Variants in CEP128 observed in about 807,000 individuals in gnomAD.
The protein encoded by CEP128 is centrosomal protein 128kDa.
CEP128 carries 132 observed loss-of-function variants against 156.7 expected under a neutral mutation model. That is an observed-to-expected ratio of 0.84 (90% CI 0.73 to 0.97). The LOEUF is 0.97. Among genes scored for constraint, CEP128 ranks in the 50% least tolerant of loss-of-function variants. The pLI, the probability that CEP128 is intolerant of heterozygous loss-of-function variation, is 0.00. For missense variants in CEP128, 1,252 were observed against 1,281.9 expected, an observed-to-expected ratio of 0.98 and a Z score of 0.36; for synonymous variants, 469 against 448.9, an observed-to-expected ratio of 1.04 and a Z score of -0.57.
intron 20 of CEP128, among the ~76,000 whole-genome samples, chr14:80,564,962 G>A (rs1890849682): frequency 6.6e-6 from 1 of 152,132 alleles, no homozygotes; most frequent in Non-Finnish European, 1.5e-5. Flanking sequence ...GGGAGGCTGA[G>A]GCAGGAGAAT....
chr14:80,592,471 A>G (rs1892119729), intron 19 of CEP128, among the ~76,000 whole-genome samples: 2 of 152,214 alleles, frequency 1.3e-5, no homozygotes, highest in Non-Finnish European at 2.9e-5. Flanking sequence ...TGAATCCCTG[A>G]ATAGGCCAAT....
chr14:80,930,051 G>A (rs922085653), intron 2 of CEP128, among the ~76,000 whole-genome samples: 2 of 152,174 alleles, frequency 1.3e-5, no homozygotes, highest in Non-Finnish European at 2.9e-5. Context: ...TGTCCTAGGA[G>A]CACAAGCTCT....
chr14:80,943,645 C>G (rs1282171623), upstream of CEP128, among the ~76,000 whole-genome samples: 2 of 152,132 alleles, frequency 1.3e-5, no homozygotes, highest in African/African-American at 4.8e-5. Flanking sequence ...TTCATAGCAG[C>G]TGTTTGTCAG....
At chr14:80,867,022 T>C (rs745539381) in intron 8 of CEP128, among the ~76,000 whole-genome samples, 4 of 152,178 alleles carry the variant, frequency 2.6e-5, no homozygotes, top group Non-Finnish European at 4.4e-5. Context: ...AAAATCTCAG[T>C]ATATATTTTT....
At chr14:80,618,437 C>T (rs1281902630) in intron 19 of CEP128, among the ~76,000 whole-genome samples, 7 of 152,198 alleles carry the variant, frequency 4.6e-5, no homozygotes, top group Admixed American at 1.3e-4. Flanking sequence ...GCTCTAGCTA[C>T]GCTAGAAGCC....
At chr14:80,615,629 C>A (rs1361837003) in intron 19 of CEP128, among the ~76,000 whole-genome samples, 3 of 152,130 alleles carry the variant, frequency 2.0e-5, no homozygotes, top group Non-Finnish European at 4.4e-5. Flanking sequence ...GTGGGTGGAT[C>A]ACCTGAGGTC....
chr14:80,746,378 C>T (rs985770349), intron 18 of CEP128, among the ~76,000 whole-genome samples: 113 of 152,220 alleles, frequency 7.4e-4, no homozygotes, highest in African/African-American at 2.5e-3. Context: ...GTGGTATTGG[C>T]ATAAGGACAG....
At chr14:80,715,575 A>G (rs1361104194) in intron 19 of CEP128, among the ~76,000 whole-genome samples, 1 of 152,240 alleles carries the variant, frequency 6.6e-6, no homozygotes, top group Non-Finnish European at 1.5e-5. Context: ...CACGGAAGCC[A>G]AGAAAGATGA....
At chr14:80,734,428 C>A (rs1325590196) in intron 19 of CEP128, among the ~76,000 whole-genome samples, 1 of 151,884 alleles carries the variant, frequency 6.6e-6, no homozygotes, top group South Asian at 2.1e-4. Flanking sequence ...AGAAATGACA[C>A]CCTGACTTTT....
intron 9 of CEP128, among the ~76,000 whole-genome samples, chr14:80,857,597 T>C (rs1887252917): frequency 6.6e-6 from 1 of 151,622 alleles, no homozygotes; most frequent in African/African-American, 2.4e-5. Context: ...AAAAATCAGC[T>C]GGGCATGGTG....
At chr14:80,920,151 C>T (rs768300632) in intron 2 of CEP128, among the ~76,000 whole-genome samples, 4 of 152,166 alleles carry the variant, frequency 2.6e-5, no homozygotes, top group Non-Finnish European at 5.9e-5. Flanking sequence ...AACACAAGGT[C>T]TTACATGATT....
intron 14 of CEP128, among the ~76,000 whole-genome samples, chr14:80,481,551 T>C (rs1305861321): frequency 6.6e-6 from 1 of 152,242 alleles, no homozygotes; most frequent in Non-Finnish European, 1.5e-5. Flanking sequence ...GACTATATAT[T>C]GTCCACTTTA....
At chr14:80,547,136 G>A (rs1890018299) in intron 21 of CEP128, among the ~76,000 whole-genome samples, 2 of 152,128 alleles carry the variant, frequency 1.3e-5, no homozygotes, top group South Asian at 2.1e-4. Flanking sequence ...GATAGAACTA[G>A]TAATGCAATC....
At chr14:80,754,759 G>A (rs564261346) in intron 18 of CEP128, among the ~76,000 whole-genome samples, 3 of 152,068 alleles carry the variant, frequency 2.0e-5, no homozygotes, top group South Asian at 2.1e-4. Flanking sequence ...CACTGTGCCC[G>A]GACGTCTTGT....
At chr14:80,577,451 C>T (rs34489190) in intron 20 of CEP128, among the ~76,000 whole-genome samples, 20,293 of 152,098 alleles carry the variant, frequency 0.13, 1,567 homozygotes, top group East Asian at 0.31. Context: ...GTGAAGTTGC[C>T]GAATCGAGAA....
intron 9 of CEP128, among the ~76,000 whole-genome samples, chr14:80,859,015 A>T (rs1887365301): frequency 6.6e-6 from 1 of 151,904 alleles, no homozygotes; most frequent in South Asian, 2.1e-4. Context: ...TAGAACTAGA[A>T]ATACCATTTA....
At chr14:80,916,630 C>CTAA in intron 2 of CEP128, 68 bp from the exon 3 acceptor site, 1 of 1,267,978 alleles carries the variant, frequency 7.9e-7, no homozygotes. Flanking sequence ...ACTAATACAA[C>CTAA]AGTTTACTTT....
intron 19 of CEP128, among the ~76,000 whole-genome samples, chr14:80,666,923 C>T (rs541393165): frequency 1.3e-5 from 2 of 152,090 alleles, no homozygotes; most frequent in Admixed American, 6.6e-5. Context: ...TAAGTTCAGG[C>T]TTTGACTGTC....
intron 19 of CEP128, among the ~76,000 whole-genome samples, chr14:80,585,920 C>T (rs1328476655): frequency 6.6e-6 from 1 of 152,102 alleles, no homozygotes; most frequent in African/African-American, 2.4e-5. Flanking sequence ...TAAAGCAGCA[C>T]ATTACAACCC....
Sources: allele counts gnomAD v4.1 joint callset (sites outside exome capture counted in the v4.1 genomes callset), GRCh38; gene constraint gnomAD v4.1.1; transcripts MANE v1.5; gene names NCBI Gene and HGNC (gene_info 2026-07-23, HGNC 2026-07-21).